Variants in PEX14 observed in about 807,000 individuals in gnomAD.
PEX14 encodes peroxisomal membrane protein PEX14.
PEX14 carries 15 observed loss-of-function variants against 49.5 expected under a neutral mutation model. The ratio of observed to expected loss-of-function variants is 0.30; its 90% CI spans 0.20 to 0.47. The LOEUF (loss-of-function observed/expected upper bound fraction) is 0.47. PEX14 is among the 20% of genes least tolerant of loss of function. The pLI, the probability that PEX14 is intolerant of heterozygous loss-of-function variation, is 1.00. For missense variants in PEX14, 398 were observed against 494.8 expected (o/e 0.80, Z 1.86); for synonymous variants, 210 against 212.7 (o/e 0.99, Z 0.11).
intron 3 of PEX14, among the ~76,000 whole-genome samples, chr1:10,581,780 AAAAT>A (rs1253460392): frequency 1.3e-5 from 2 of 149,720 alleles, no homozygotes; most frequent in African/African-American, 4.9e-5. Flanking sequence ...AATAATTTAT[AAAAT>A]AAAAATAAAA....
intron 3 of PEX14, among the ~76,000 whole-genome samples, chr1:10,577,529 CATATATATATATATATATAT>C (rs1312391529): frequency 7.0e-5 from 3 of 43,016 alleles, no homozygotes; most frequent in South Asian, 2.0e-3. Context: ...GGACACTATA[CATATATATATATATATATAT>C]ATATATATAT....
intron 2 of PEX14, among the ~76,000 whole-genome samples, chr1:10,523,034 A>G (rs1237657533): frequency 6.6e-6 from 1 of 151,970 alleles, no homozygotes; most frequent in Non-Finnish European, 1.5e-5. Flanking sequence ...ACTTGAAATG[A>G]CTCCACCGAT....
chr1:10,582,293 A>G (rs987695211), intron 3 of PEX14, among the ~76,000 whole-genome samples: 1 of 152,138 alleles, frequency 6.6e-6, no homozygotes, highest in African/African-American at 2.4e-5. Context: ...ACATTTATTC[A>G]CACATTGAAC....
intron 3 of PEX14, among the ~76,000 whole-genome samples, chr1:10,594,380 T>C (rs1476011982): frequency 6.6e-6 from 1 of 152,120 alleles, no homozygotes; most frequent in East Asian, 1.9e-4. Flanking sequence ...ATTGGCCAAG[T>C]CCTAGAAATA....
intron 1 of PEX14, among the ~76,000 whole-genome samples, chr1:10,487,000 C>G (rs1465919527): frequency 6.6e-6 from 1 of 151,312 alleles, no homozygotes; most frequent in South Asian, 2.1e-4. Context: ...GGCTCTGTCT[C>G]TTAAAAAAAA....
chr1:10,568,501 A>G (rs750237119), intron 3 of PEX14, among the ~76,000 whole-genome samples: 4 of 152,160 alleles, frequency 2.6e-5, no homozygotes, highest in Non-Finnish European at 4.4e-5. Context: ...AAGTATATTA[A>G]TAGATAACAG....
chr1:10,599,113 G>T (rs1640908329), intron 3 of PEX14, 125 bp from the exon 4 acceptor site: 3 of 942,662 alleles, frequency 3.2e-6, no homozygotes, highest in Non-Finnish European at 5.2e-6. Context: ...CTGAAATCGG[G>T]GAGGCAACTT....
intron 7 of PEX14, among the ~76,000 whole-genome samples, chr1:10,625,959 G>A (rs925615202): frequency 4.6e-5 from 7 of 152,198 alleles, no homozygotes; most frequent in South Asian, 2.1e-4. Flanking sequence ...ATCTAAACGC[G>A]TATGTGTGAG....
rs201120958 is a variant in PEX14 at position 10,629,866 on chromosome 1, A to G, written c.1013A>G (p.Asp338Gly). The G allele has an allele frequency of 5.4e-5, 87 of 1,612,360 alleles. No individual in the cohort carries two copies. In the East Asian group the frequency reaches 1.4e-3, roughly 26 times the overall value. Residue 338 changes from aspartate (D) to glycine (G), a missense_variant, in exon 9 of 9, where the codon GAC (aspartate) becomes GGC (glycine). By Grantham distance (94) the Asp-to-Gly change is moderately conservative. Around this residue, in one of 3 missense-constraint regions of PEX14, gnomAD observed 140 missense variants for 155.5 expected, o/e 0.90. Coordinates refer to ENST00000356607, the MANE Select transcript of PEX14 (RefSeq NM_004565.3). This position sits in a 1 kb window ranked among gnomAD's most constrained non-coding sequence, Gnocchi z 8.5. ...GAGGATGATGATGTGAGCCATGTGG[A>G]CGAGGAGGACTGCCTGGGGGTGCAG... is the stretch of plus-strand genomic sequence containing the variant. ...DEEDDDVSHV[D>G]EEDCLGVQRE... is the part of the protein sequence containing the mutation.
rs1237571795 is a variant in PEX14, at chr1:10,489,718, T to C, written c.37-5556T>C. Among the ~76,000 whole-genome samples, 5 of 152,258 alleles carry C rather than the reference T, an allele frequency of 3.3e-5. No individual in the cohort carries two copies. In the East Asian group the frequency reaches 9.6e-4, roughly 29 times the overall value. On this transcript the variant is annotated intron_variant, in intron 1 of 8. Transcript: ENST00000356607. ...TGAAGTCTGTCCTGCAGCTTTCAGC[T>C]GCCTTGGCCTCCCTGAACTCTGATC...
chr1:10,612,246 T>C (rs1641294804), intron 4 of PEX14, among the ~76,000 whole-genome samples: 1 of 152,314 alleles, frequency 6.6e-6, no homozygotes, highest in African/African-American at 2.4e-5. Flanking sequence ...GCAAAAATTA[T>C]CCTTTCCCCA....
intron 3 of PEX14, among the ~76,000 whole-genome samples, chr1:10,564,900 A>G (rs1056779953): frequency 1.8e-5 from 2 of 113,026 alleles, no homozygotes; most frequent in Non-Finnish European, 3.5e-5. Flanking sequence ...TATTTTTTGT[A>G]TATCTTTTTT....
chr1:10,624,484 A>G, intron 7 of PEX14, 47 bp downstream of exon 7: 1 of 1,278,524 alleles, frequency 7.8e-7, no homozygotes, highest in Non-Finnish European at 1.1e-6. Flanking sequence ...GGTCTGTCCC[A>G]TGTGCCCTTC....
At chr1:10,508,860 T>C (rs531326016) in intron 2 of PEX14, among the ~76,000 whole-genome samples, 39 of 152,274 alleles carry the variant, frequency 2.6e-4, no homozygotes, top group Admixed American at 6.5e-4. Context: ...CATCTGAAGA[T>C]CCCAGGGTAC....
At position 10,630,265 on chromosome 1, in the gene PEX14, G is replaced by C. The variant is rs1003972620; in HGVS notation, c.*278G>C. ...GTCAGGCTGAAGGCAGCGAAGCCTC[G>C]GGGCCCAAGCCCCTCCCCAGCCCCC... On this transcript the variant is annotated 3_prime_UTR_variant, in exon 9 of 9. Transcript: ENST00000356607. The surrounding 1 kb of genome is among the most constrained non-coding windows in gnomAD (Gnocchi z 4.1). 1.8e-6 allele frequency: 1 copy of C among 563,444 alleles called. No individual in the cohort carries two copies. Among genetic ancestry groups the C allele is most frequent in the African/African-American group, 1.9e-5 (1 of 52,248 alleles). 34.9% of individuals were successfully genotyped at this position (563,444 alleles called of 1,614,324 possible). A position where few individuals can be genotyped will look rare whatever the true frequency, so the allele number is the denominator to read the frequency against.
chr1:10,497,450 A>C (rs553846637), intron 2 of PEX14, among the ~76,000 whole-genome samples: 1 of 152,364 alleles, frequency 6.6e-6, no homozygotes, highest in East Asian at 1.9e-4. Flanking sequence ...AGCTTAGCTC[A>C]GCTCAGGCCT....
intron 3 of PEX14, among the ~76,000 whole-genome samples, chr1:10,594,254 A>G (rs771358700): frequency 8.5e-5 from 13 of 152,084 alleles, no homozygotes; most frequent in Non-Finnish European, 1.3e-4. Flanking sequence ...TAATTTGGGA[A>G]GTATTTTTAG....
In PEX14 at chr1:10,618,295, G is replaced by T. The variant is rs781651302; in HGVS notation, c.299-37G>T. On this transcript the variant is annotated intron_variant, in intron 4 of 8. Coordinates refer to ENST00000356607, the MANE Select transcript of PEX14 (RefSeq NM_004565.3). ...GCCCCCACCCGAAGAAGGACGCCAT[G>T]TGCGTCTTCTAACCCTCCTCCTCTT... 8.3e-6 allele frequency: 13 copies of T among 1,558,744 alleles called. No homozygotes were observed. The South Asian group carries it at 1.2e-4, about 15-fold the overall frequency.
rs552523818 is a variant in PEX14 at position 10,613,707 on chromosome 1, C to A, written c.299-4625C>A. Among the ~76,000 whole-genome samples the A allele has an allele frequency of 6.6e-6, 1 of 152,280 alleles. No individual in the cohort carries two copies. The highest frequency in any genetic ancestry group is 1.5e-5 in the Non-Finnish European group (1 of 68,020). On this transcript the variant is annotated intron_variant, in intron 4 of 8. Transcript: ENST00000356607. This position sits in a 1 kb window ranked among gnomAD's most constrained non-coding sequence, Gnocchi z 5.0. ...GCCTGTTCTTGGATTCTTTGGGGCT[C>A]ACAAAGCCCTGCCACCTTCAGTCAG...
Sources: allele counts gnomAD v4.1 joint callset (sites outside exome capture counted in the v4.1 genomes callset), GRCh38; gene constraint gnomAD v4.1.1; regional missense constraint gnomAD v4.1.1; non-coding constraint Gnocchi (gnomAD v3.1); transcripts MANE v1.5; gene names NCBI Gene and HGNC (gene_info 2026-07-23, HGNC 2026-07-21).